DTHD1: variants seen among roughly 807,000 people sequenced by gnomAD.
DTHD1 encodes death domain containing 1.
DTHD1 carries 59 observed loss-of-function variants against 74.8 expected under a neutral mutation model. The ratio of observed to expected loss-of-function variants is 0.79; its 90% confidence interval spans 0.64 to 0.98. DTHD1 has a LOEUF of 0.98. Among genes scored for constraint, DTHD1 ranks in the 50% least tolerant of loss-of-function variants. The probability of loss-of-function intolerance (pLI) is 0.00; values close to 1 mark genes in which losing one functional copy is unlikely to be tolerated. For missense variants in DTHD1, 1,051 were observed against 1,065.4 expected, an observed-to-expected ratio of 0.99 and a Z score of 0.19; for synonymous variants, 365 against 371.1, an observed-to-expected ratio of 0.98 and a Z score of 0.19.
intron 2 of DTHD1, among the ~76,000 whole-genome samples, chr4:36,285,656 T>A (rs909911820): frequency 1.8e-4 from 15 of 83,706 alleles, no homozygotes; most frequent in Admixed American, 1.2e-3. Flanking sequence ...AAAAAAAAAA[T>A]ATGTGTTTTG....
chr4:36,301,951 T>A (rs1459866791), intron 5 of DTHD1, among the ~76,000 whole-genome samples: 1 of 152,224 alleles, frequency 6.6e-6, no homozygotes, highest in Non-Finnish European at 1.5e-5. Context: ...AGGCTCATTT[T>A]TGTCCAGAAA....
intron 2 of DTHD1, among the ~76,000 whole-genome samples, chr4:36,287,035 A>C (rs979923201): frequency 3.9e-5 from 6 of 152,044 alleles, no homozygotes; most frequent in Non-Finnish European, 7.4e-5. Flanking sequence ...TTACACGAAT[A>C]AGTTCTTTAG....
rs1468644946 is a variant in DTHD1, at chr4:36,284,017, C to T, written c.313C>T (p.His105Tyr). The T allele has an allele frequency of 2.6e-6, 4 of 1,536,808 alleles. No individual in the cohort carries two copies. The African/African-American group carries it at 5.5e-5, about 21-fold the overall frequency. ...AGACTGCCTCATAAAAATAACTGAACATTTGGGGAGCACTGCTGCACTTCT... is the reference window on the plus strand; with the variant it reads ...AGACTGCCTCATAAAAATAACTGAATATTTGGGGAGCACTGCTGCACTTCT... Reference protein sequence around the residue: ...FIDCLIKITEHLGSTAALLKK... With the variant: ...FIDCLIKITEYLGSTAALLKK... The change falls in exon 2 of 10, where the codon CAT becomes TAT. Residue 105 changes from histidine to tyrosine, a missense_variant. Physicochemically the swap from His to Tyr is moderately conservative, Grantham distance 83. Coordinates refer to ENST00000639862, the MANE Select transcript of DTHD1 (RefSeq NM_001170700.3).
At chr4:36,312,732 G>A (rs985179807) in intron 7 of DTHD1, among the ~76,000 whole-genome samples, 1 of 152,208 alleles carries the variant, frequency 6.6e-6, no homozygotes, top group African/African-American at 2.4e-5. Flanking sequence ...AGCCTGAGAT[G>A]GCTGGATCAG....
intron 7 of DTHD1, 88 bp downstream of exon 7, chr4:36,308,581 AAACC>A: frequency 9.2e-7 from 1 of 1,085,802 alleles, no homozygotes; most frequent in Non-Finnish European, 1.3e-6. Context: ...GTTACTAAGG[AAACC>A]TTCAGAGGAT....
intron 5 of DTHD1, among the ~76,000 whole-genome samples, chr4:36,302,313 T>C (rs959033805): frequency 1.3e-5 from 2 of 152,294 alleles, no homozygotes; most frequent in South Asian, 4.1e-4. Context: ...ACTTAGATTA[T>C]GTAGGGTTTT....
intron 2 of DTHD1, 106 bp from the exon 3 acceptor site, chr4:36,290,267 A>G: frequency 8.4e-7 from 1 of 1,197,540 alleles, no homozygotes; most frequent in Non-Finnish European, 1.1e-6. Flanking sequence ...CAGAACTGGA[A>G]TTCACACCAA....
At chr4:36,322,542 C>G (rs57924987) in intron 8 of DTHD1, among the ~76,000 whole-genome samples, 64 of 151,806 alleles carry the variant, frequency 4.2e-4, no homozygotes, top group Non-Finnish European at 8.4e-4. Flanking sequence ...AAGTGGGAGA[C>G]GCAGCAAGTT....
chr4:36,316,576 C>G (rs1350652944), intron 8 of DTHD1, 90 bp downstream of exon 8: 8 of 1,294,110 alleles, frequency 6.2e-6, no homozygotes, highest in Non-Finnish European at 7.3e-6. Context: ...GAGACACATA[C>G]AGTTAAAAGA....
intron 2 of DTHD1, among the ~76,000 whole-genome samples, chr4:36,287,565 G>A (rs1220721598): frequency 6.6e-6 from 1 of 152,176 alleles, no homozygotes; most frequent in Non-Finnish European, 1.5e-5. Context: ...TCTCCACACT[G>A]TTTTCCATAA....
At chr4:36,321,502 C>G (rs750862753) in intron 8 of DTHD1, among the ~76,000 whole-genome samples, 1 of 152,174 alleles carries the variant, frequency 6.6e-6, no homozygotes, top group Non-Finnish European at 1.5e-5. Flanking sequence ...GTCACTGTCT[C>G]CCATCACCCC....
intron 8 of DTHD1, among the ~76,000 whole-genome samples, chr4:36,326,060 TA>T (rs1208723952): frequency 6.6e-6 from 1 of 152,158 alleles, no homozygotes; most frequent in African/African-American, 2.4e-5. Context: ...ATAACCTTTT[TA>T]TATTACATTT....
At chr4:36,316,599 A>T (rs1757753560) in intron 8 of DTHD1, 113 bp downstream of exon 8, 6 of 1,120,888 alleles carry the variant, frequency 5.4e-6, no homozygotes, top group Non-Finnish European at 7.4e-6. Context: ...AGGTAAGAAT[A>T]GAGGTAATAA....
Position 36,283,969 on chromosome 4 carries a change from T to C in DTHD1, c.272-7T>C. The stretch of plus-strand genomic sequence containing the variant: ...TATTCTTTGTGTGTCCATGTATGTG[T>C]GTGTAGAAATCATTACTTTCATAGA... On this transcript the variant is annotated splice_polypyrimidine_tract_variant and splice_region_variant and intron_variant, in intron 1 of 9. Coordinates refer to ENST00000639862, the MANE Select transcript of DTHD1 (RefSeq NM_001170700.3). 1 of 1,503,048 alleles carries C rather than the reference T, an allele frequency of 6.7e-7. No homozygotes were observed. Among genetic ancestry groups the C allele is most frequent in the Non-Finnish European group, 8.9e-7 (1 of 1,117,560 alleles). The allele number at this position is 1,503,048 out of a possible 1,614,324, so 93.1% of individuals were successfully genotyped here.
chr4:36,343,715 G>A lies in DTHD1; in HGVS notation c.2612G>A (p.Arg871Gln), dbSNP rs1179052199. ...TFTDKLRLLARHLRKIGRSDL... is the reference protein window; with the variant it reads ...TFTDKLRLLAQHLRKIGRSDL... ...ACCGACAAACTTCGCCTCCTGGCTC[G>A]ACATCTCCGCAAGATTGGCAGGAGT... The change falls in exon 10 of 10, where the codon CGA (arginine) becomes CAA (glutamine). Residue 871 changes from arginine to glutamine, a missense_variant. By Grantham distance (43) the Arg-to-Gln change is conservative. Coordinates refer to ENST00000639862, the MANE Select transcript of DTHD1 (RefSeq NM_001170700.3). 5.8e-6 allele frequency: 9 copies of A among 1,551,480 alleles called. No individual in the cohort carries two copies. The highest frequency in any genetic ancestry group is 4.8e-5 in the South Asian group (4 of 84,048).
At chr4:36,294,698 T>C in intron 4 of DTHD1, 97 bp from the exon 5 acceptor site, 1 of 1,191,392 alleles carries the variant, frequency 8.4e-7, no homozygotes, top group Admixed American at 3.3e-5. Context: ...TGTATAAAAC[T>C]ATGCTGCATA....
At chr4:36,335,490 G>A (rs1758958041) in intron 8 of DTHD1, among the ~76,000 whole-genome samples, 2 of 152,032 alleles carry the variant, frequency 1.3e-5, no homozygotes. Flanking sequence ...GCCTCCTAAG[G>A]TGCTGGGATT....
chr4:36,304,177 G>A (rs1333071798), intron 5 of DTHD1, among the ~76,000 whole-genome samples: 2 of 152,006 alleles, frequency 1.3e-5, no homozygotes, highest in East Asian at 3.9e-4. Flanking sequence ...AATACTTTAG[G>A]TTTTGACAGA....
intron 6 of DTHD1, among the ~76,000 whole-genome samples, chr4:36,306,707 A>G (rs1430131690): frequency 6.6e-6 from 1 of 152,230 alleles, no homozygotes; most frequent in African/African-American, 2.4e-5. Flanking sequence ...TTGTTACTTC[A>G]GTGCCCTCAT....
Sources: allele counts gnomAD v4.1 joint callset (sites outside exome capture counted in the v4.1 genomes callset), GRCh38; gene constraint gnomAD v4.1.1; transcripts MANE v1.5; gene names NCBI Gene and HGNC (gene_info 2026-07-23, HGNC 2026-07-21).